Variants in ANO4 observed in about 807,000 individuals in gnomAD.
ANO4 encodes the protein anoctamin 4, also known as anoctamin-4.
In ANO4, 69 loss-of-function variants were observed where a neutral mutation model predicts 141.9. The observed-to-expected ratio is 0.49, with a 90% CI of 0.40 to 0.59. The LOEUF is 0.59. Among genes scored for constraint, ANO4 ranks in the 20% least tolerant of loss-of-function variants. The pLI, the probability that ANO4 is intolerant of heterozygous loss-of-function variation, is 0.00. For missense variants in ANO4, 894 were observed against 1,162.2 expected, an observed-to-expected ratio of 0.77 and a Z score of 3.36; for synonymous variants, 350 against 394.3, an observed-to-expected ratio of 0.89 and a Z score of 1.33.
At chr12:101,068,085 A>T (rs2048665580) in intron 14 of ANO4, among the ~76,000 whole-genome samples, 1 of 152,238 alleles carries the variant, frequency 6.6e-6, no homozygotes, top group Admixed American at 6.5e-5. Context: ...AATGATTGCC[A>T]TCAAAGTGAA....
At chr12:101,042,508 C>G in intron 12 of ANO4, 40 bp downstream of exon 12, 1 of 1,611,124 alleles carries the variant, frequency 6.2e-7, no homozygotes, top group Middle Eastern at 1.8e-4. Context: ...TTGTTTAGTA[C>G]TTAGAGGTGG....
At chr12:101,068,140 G>A in intron 14 of ANO4, 1 of 727,210 alleles carries the variant, frequency 1.4e-6, no homozygotes, top group Middle Eastern at 3.5e-4. Context: ...AAATAAGGAA[G>A]GTTAAGAAAA....
Position 100,900,998 on chromosome 12 carries a change from T to G in ANO4, c.-140-648T>G, listed in dbSNP as rs12579689. Among the ~76,000 whole-genome samples the G allele has an allele frequency of 1.7e-4, 26 of 152,358 alleles. No homozygotes were observed. The East Asian group carries it at 2.5e-3, about 15-fold the overall frequency. On this transcript the variant is annotated intron_variant, in intron 1 of 27. Transcript: ENST00000392977. ...GTAGATGGAGTCCATATTAATGATG[T>G]AATCTATATAGGCTGATGTAATCAA...
chr12:100,816,034 C>T (rs1286601355), intron 1 of ANO4, among the ~76,000 whole-genome samples: 2 of 152,064 alleles, frequency 1.3e-5, no homozygotes, highest in Non-Finnish European at 2.9e-5. Context: ...CTCTTAAACT[C>T]AACTCTTAAT....
intron 1 of ANO4, among the ~76,000 whole-genome samples, chr12:100,873,741 C>A: frequency 6.6e-6 from 1 of 152,180 alleles, no homozygotes; most frequent in East Asian, 1.9e-4. Context: ...AAGAAAAATC[C>A]ATTTTCTGGG....
intron 1 of ANO4, among the ~76,000 whole-genome samples, chr12:100,818,025 G>T (rs2035829736): frequency 6.6e-6 from 1 of 151,516 alleles, no homozygotes; most frequent in Non-Finnish European, 1.5e-5. Flanking sequence ...AAGATTTCAT[G>T]ATTTCCCTTA....
chr12:100,836,883 C>A (rs1259937925), intron 1 of ANO4, among the ~76,000 whole-genome samples: 1 of 152,054 alleles, frequency 6.6e-6, no homozygotes. Context: ...GTGGATGAAC[C>A]ATCCAGGTGA....
chr12:100,786,142 C>A (rs2033867333), intron 3 of ANO4, among the ~76,000 whole-genome samples: 1 of 152,118 alleles, frequency 6.6e-6, no homozygotes, highest in Non-Finnish European at 1.5e-5. Context: ...TAATTTTCTG[C>A]TTATGGATCA....
chr12:101,054,880 A>G (rs1402925348), intron 14 of ANO4, among the ~76,000 whole-genome samples: 1 of 151,946 alleles, frequency 6.6e-6, no homozygotes, highest in Non-Finnish European at 1.5e-5. Flanking sequence ...CTGTAGTTTC[A>G]GCTGTTCTAG....
chr12:100,972,712 A>G (rs2043983222), intron 6 of ANO4, among the ~76,000 whole-genome samples: 1 of 152,194 alleles, frequency 6.6e-6, no homozygotes, highest in African/African-American at 2.4e-5. Flanking sequence ...TTAATACCAT[A>G]TTATACCTAA....
chr12:100,877,861 T>G (rs534095884), intron 1 of ANO4, among the ~76,000 whole-genome samples: 1 of 152,262 alleles, frequency 6.6e-6, no homozygotes, highest in East Asian at 1.9e-4. Flanking sequence ...GGACAGAGTT[T>G]GCACATAAAT....
intron 14 of ANO4, among the ~76,000 whole-genome samples, chr12:101,072,944 G>A (rs1047253642): frequency 1.3e-5 from 2 of 152,198 alleles, no homozygotes; most frequent in Non-Finnish European, 2.9e-5. Context: ...ACAGATGCTG[G>A]AGAGGATGTG....
chr12:100,905,017 T>C (rs976848351), intron 2 of ANO4, among the ~76,000 whole-genome samples: 2 of 152,108 alleles, frequency 1.3e-5, no homozygotes, highest in Admixed American at 6.6e-5. Context: ...ACTGAAAAGT[T>C]TTTTTGGCCT....
chr12:100,925,623 ACCCC>A (rs1283233673), intron 3 of ANO4, among the ~76,000 whole-genome samples: 2 of 147,470 alleles, frequency 1.4e-5, no homozygotes, highest in Non-Finnish European at 3.0e-5. Flanking sequence ...CTGCACATGT[ACCCC>A]AGAACTTAAA....
intron 1 of ANO4, among the ~76,000 whole-genome samples, chr12:100,824,872 T>C (rs1249856021): frequency 3.9e-5 from 6 of 152,070 alleles, no homozygotes; most frequent in Non-Finnish European, 8.8e-5. Flanking sequence ...ATATTAAAAA[T>C]GTTGAAATTG....
chr12:100,864,542 C>T (rs764271642), intron 1 of ANO4, among the ~76,000 whole-genome samples: 3 of 152,258 alleles, frequency 2.0e-5, no homozygotes, highest in African/African-American at 7.2e-5. Context: ...CTCTTCCTTT[C>T]GTAGGATTCT....
chr12:101,065,755 A>AT (rs2048557074), intron 14 of ANO4, among the ~76,000 whole-genome samples: 1 of 152,226 alleles, frequency 6.6e-6, no homozygotes, highest in Non-Finnish European at 1.5e-5. Context: ...TTCCAAACTC[A>AT]TTCTATGAGT....
At chr12:101,058,556 TCTC>T (rs1258093694) in intron 14 of ANO4, among the ~76,000 whole-genome samples, 4 of 152,178 alleles carry the variant, frequency 2.6e-5, no homozygotes, top group African/African-American at 9.7e-5. Flanking sequence ...GGTTTGTAAT[TCTC>T]CTTGAAGAGG....
intron 2 of ANO4, among the ~76,000 whole-genome samples, chr12:100,902,949 C>T (rs2040665006): frequency 6.6e-6 from 1 of 152,140 alleles, no homozygotes; most frequent in Non-Finnish European, 1.5e-5. Flanking sequence ...TTCCACACTG[C>T]TAGCTGTTTA....
Sources: gnomAD v4.1 joint callset for allele counts (sites outside exome capture counted in the v4.1 genomes callset) on GRCh38, gnomAD v4.1.1 for gene constraint, MANE v1.5 for transcripts, NCBI Gene and HGNC (gene_info 2026-07-23, HGNC 2026-07-21) for gene names.